Variants in AARS1 observed in about 807,000 individuals in gnomAD.
AARS1 encodes alanyl-tRNA synthetase 1, also known as alanine--tRNA ligase, cytoplasmic.
Under a neutral mutation model 108.9 loss-of-function variants are expected in AARS1, and 72 were observed. The observed-to-expected ratio is 0.66, with a 90% CI of 0.55 to 0.80. The LOEUF is 0.80. Ranked by LOEUF, AARS1 falls within the 30% of genes least tolerant of loss-of-function variation. The pLI is 0.00. For synonymous variants in AARS1, 489 were observed against 465.7 expected, an observed-to-expected ratio of 1.05 and a Z score of -0.64; for missense variants, 1,193 against 1,233.2, an observed-to-expected ratio of 0.97 and a Z score of 0.49.
chr16:70,259,333 AGT>A, intron 13 of AARS1, 147 bp from the exon 14 acceptor site: 2 of 847,264 alleles, frequency 2.4e-6, no homozygotes, highest in Non-Finnish European at 3.8e-6. Context: ...CCTATGGCTA[AGT>A]GTGTCCATGT....
At position 70,282,742 on chromosome 16, in the gene AARS1, T is replaced by C. The variant is rs1279877575; in HGVS notation, c.22A>G (p.Ser8Gly). MDSTLTA[S>G]EIRQRFIDFF... ...TCTATAAATCGCTGCCGGATTTCAC[T>C]TGCTGTTAGAGTAGAGTCCATCTTG... The change falls in exon 2 of 21, where the codon AGT (serine) becomes GGT (glycine). Residue 8 changes from serine (S) to glycine (G), a missense_variant. Coordinates refer to ENST00000261772, the MANE Select transcript of AARS1 (RefSeq NM_001605.3). 6.2e-7 allele frequency: 1 copy of C among 1,614,124 alleles called. No homozygotes were observed. Among genetic ancestry groups the C allele is most frequent in the Non-Finnish European group, 8.5e-7 (1 of 1,180,018 alleles).
Position 70,253,356 on chromosome 16 carries a change from A to C in AARS1, c.2633T>G (p.Phe878Cys). 1 of 1,614,040 alleles carries C rather than the reference A, an allele frequency of 6.2e-7. No individual in the cohort carries two copies. The highest frequency in any genetic ancestry group is 8.5e-7 in the Non-Finnish European group (1 of 1,179,958). The change falls in exon 20 of 21, where the codon TTC becomes TGC. Residue 878 changes from phenylalanine (F) to cysteine (C), a missense_variant. Transcript: ENST00000261772. ...AGAAGTCTGAGGGGAGTGCATCTTG[A>C]AGAGCTTCAAGGCTTCATTCAGGGC... is the stretch of plus-strand genomic sequence containing the variant. ...AKALNEALKLFKMHSPQTSAM... is the reference protein window; with the variant it reads ...AKALNEALKLCKMHSPQTSAM...
rs544443443 is a variant in AARS1 at position 70,261,242 on chromosome 16, A to G, written c.1672-85T>C. The G allele has an allele frequency of 6.2e-6, 6 of 961,332 alleles. No homozygotes were observed. The African/African-American group carries it at 6.5e-5, about 10-fold the overall frequency. The allele number at this position is 961,332 out of a possible 1,614,324, so 59.6% of individuals were successfully genotyped here. Reference sequence around the variant, plus strand: ...ATATTTTCAATATAAACTCGTGTATATAACTTCTCTTTACATATGTAAATT... The same window carrying G: ...ATATTTTCAATATAAACTCGTGTATGTAACTTCTCTTTACATATGTAAATT... On this transcript the variant is annotated intron_variant, in intron 12 of 20. Coordinates refer to ENST00000261772, the MANE Select transcript of AARS1 (RefSeq NM_001605.3).
intron 8 of AARS1, 102 bp downstream of exon 8, chr16:70,268,169 A>C: frequency 1.7e-6 from 2 of 1,151,178 alleles, no homozygotes; most frequent in Non-Finnish European, 2.6e-6. Context: ...CTCCGTCTCA[A>C]AAAACAGCAA....
At chr16:70,264,398 C>T (rs1406596636) in intron 11 of AARS1, among the ~76,000 whole-genome samples, 1 of 151,682 alleles carries the variant, frequency 6.6e-6, no homozygotes, top group African/African-American at 2.4e-5. Context: ...CTCACTGCAA[C>T]CTCTGCCTCC....
Position 70,289,406 on chromosome 16 carries a change from C to G in AARS1, c.-22+15G>C. The stretch of plus-strand genomic sequence containing the variant: ...CGCTCTCCTAGCACCGCAGAGCTCT[C>G]CGAGGGCGGCCTACCTCTCCTAGGG... On this transcript the variant is annotated intron_variant, in intron 1 of 20. Coordinates refer to ENST00000261772, the MANE Select transcript of AARS1 (RefSeq NM_001605.3). 2.6e-6 allele frequency: 1 copy of G among 382,296 alleles called. No homozygotes were observed. Among genetic ancestry groups the G allele is most frequent in the South Asian group, 1.9e-5 (1 of 52,832 alleles). The allele number at this position is 382,296 out of a possible 1,614,324, so 23.7% of individuals were successfully genotyped here. A position where few individuals can be genotyped will look rare whatever the true frequency, so the allele number is the denominator to read the frequency against.
At position 70,252,614 on chromosome 16, in the gene AARS1, G is replaced by A. The variant is rs1959867970; in HGVS notation, c.*107C>T. The A allele has an allele frequency of 7.8e-7, 1 of 1,276,276 alleles. No homozygotes were observed. The highest frequency in any genetic ancestry group is 1.1e-6 in the Non-Finnish European group (1 of 887,438). The allele number at this position is 1,276,276 out of a possible 1,614,324, so 79.1% of individuals were successfully genotyped here. A position where few individuals can be genotyped will look rare whatever the true frequency, so the allele number is the denominator to read the frequency against. On this transcript the variant is annotated 3_prime_UTR_variant, in exon 21 of 21. Coordinates refer to ENST00000261772, the MANE Select transcript of AARS1 (RefSeq NM_001605.3). ...TCCCAAGTGTGTTCCAGTTACTGCT[G>A]GGTTAGGAGGGGCTCTTTAAAGGTC...
chr16:70,266,371 C>T (rs1960263580), intron 9 of AARS1, among the ~76,000 whole-genome samples: 1 of 151,454 alleles, frequency 6.6e-6, no homozygotes. Context: ...TGGCGGACAC[C>T]TGTAGTCCCA....
At chr16:70,262,832 G>A (rs926637801) in intron 11 of AARS1, among the ~76,000 whole-genome samples, 2 of 151,616 alleles carry the variant, frequency 1.3e-5, no homozygotes, top group African/African-American at 2.4e-5. Context: ...GCCGGGTGTG[G>A]TGGCGGGCAC....
chr16:70,283,567 T>C (rs74024187), intron 1 of AARS1, among the ~76,000 whole-genome samples: 10,868 of 152,072 alleles, frequency 0.071, 1,305 homozygotes, highest in African/African-American at 0.25. Flanking sequence ...TATGAGATTA[T>C]CTCTAAAGAT....
chr16:70,257,210 T>C (rs1960012854), intron 15 of AARS1, among the ~76,000 whole-genome samples: 2 of 151,390 alleles, frequency 1.3e-5, no homozygotes, highest in African/African-American at 2.4e-5. Context: ...GATTGCGCCA[T>C]TGCACTCCAG....
In AARS1 at chr16:70,266,186, C is replaced by T. The variant is rs1371182718; in HGVS notation, c.1223-524G>A. Among the ~76,000 whole-genome samples, 4 of 152,134 alleles carry T rather than the reference C, an allele frequency of 2.6e-5. No homozygotes were observed. In the South Asian group the frequency reaches 6.2e-4, roughly 24 times the overall value. The stretch of plus-strand genomic sequence containing the variant: ...AAAATTAGCCGGGCATGGTGGCGGG[C>T]GCCTGTAGTCCCAGCTACTCGGGAG... On this transcript the variant is annotated intron_variant, in intron 9 of 20. Coordinates refer to ENST00000261772, the MANE Select transcript of AARS1 (RefSeq NM_001605.3).
chr16:70,253,620 T>C (rs535265352), intron 19 of AARS1, 94 bp downstream of exon 19: 4 of 1,426,458 alleles, frequency 2.8e-6, no homozygotes, highest in East Asian at 4.5e-5. Flanking sequence ...CGTGGGCCCT[T>C]AGGCAACCAC....
chr16:70,254,454 GACAGGATCCATGGGGTCCCTGCTAC>G, intron 17 of AARS1, 142 bp downstream of exon 17: 1 of 664,258 alleles, frequency 1.5e-6, no homozygotes, highest in Non-Finnish European at 2.7e-6. Context: ...AGGGTCCAAG[GACAGGATCCATGGGGTCCCTGCTAC>G]AAGGCTACAG....
chr16:70,262,967 C>CAA (rs57444625), intron 11 of AARS1, among the ~76,000 whole-genome samples: 239 of 20,566 alleles, frequency 0.012, 14 homozygotes, highest in Admixed American at 0.022. Flanking sequence ...GACTCGGTCT[C>CAA]AAAAAAAAAA....
chr16:70,272,435 G>A (rs530813147), intron 4 of AARS1, among the ~76,000 whole-genome samples: 3 of 143,218 alleles, frequency 2.1e-5, no homozygotes, highest in African/African-American at 7.8e-5. Flanking sequence ...GAACCCAGGA[G>A]GCAGAGGCTG....
At chr16:70,281,865 T>C (rs1293480095) in intron 2 of AARS1, among the ~76,000 whole-genome samples, 1 of 149,312 alleles carries the variant, frequency 6.7e-6, no homozygotes, top group Admixed American at 6.7e-5. Context: ...AAAATAATAA[T>C]AGCTGGCCGG....
At chr16:70,262,216 A>G (rs1960148853) in intron 12 of AARS1, 130 bp downstream of exon 12, 1 of 1,161,178 alleles carries the variant, frequency 8.6e-7, no homozygotes, top group African/African-American at 1.5e-5. Flanking sequence ...TCGGCTTCAG[A>G]AATACCATGG....
chr16:70,278,982 T>C (rs1344456711), intron 2 of AARS1, among the ~76,000 whole-genome samples: 1 of 152,114 alleles, frequency 6.6e-6, no homozygotes. Context: ...AATGAGTTAT[T>C]GTACGCGAAG....
Sources: gnomAD v4.1 joint callset for allele counts (sites outside exome capture counted in the v4.1 genomes callset) on GRCh38, gnomAD v4.1.1 for gene constraint, MANE v1.5 for transcripts, NCBI Gene and HGNC (gene_info 2026-07-23, HGNC 2026-07-21) for gene names.